Variants in SRBD1 observed in about 807,000 individuals in gnomAD.
The protein encoded by SRBD1 is S1 RNA binding domain 1.
Under a neutral mutation model 115.3 loss-of-function variants are expected in SRBD1, and 88 were observed. The observed-to-expected ratio is 0.76, with a 90% CI of 0.64 to 0.91. The LOEUF (loss-of-function observed/expected upper bound fraction) is 0.91. SRBD1 is among the 40% of genes least tolerant of loss of function. The pLI is 0.00. For missense variants in SRBD1, 1,385 were observed against 1,177.4 expected (o/e 1.18, Z -2.58); for synonymous variants, 509 against 407.7 (o/e 1.25, Z -2.99).
intron 9 of SRBD1, among the ~76,000 whole-genome samples, chr2:45,568,464 T>C (rs556713211): frequency 5.0e-4 from 76 of 152,300 alleles, no homozygotes; most frequent in African/African-American, 1.7e-3. Context: ...TTTTGTAACC[T>C]AGCATATCAT....
At chr2:45,553,369 T>C (rs1230374800) in intron 11 of SRBD1, among the ~76,000 whole-genome samples, 1 of 152,198 alleles carries the variant, frequency 6.6e-6, no homozygotes, top group African/African-American at 2.4e-5. Flanking sequence ...AAGACTAGTA[T>C]TGCAGGATTT....
intron 16 of SRBD1, among the ~76,000 whole-genome samples, chr2:45,437,500 C>G (rs190443241): frequency 5.8e-4 from 88 of 152,192 alleles, no homozygotes; most frequent in African/African-American, 2.1e-3. Context: ...GGTGCTGGAA[C>G]AACTGGACAT....
chr2:45,517,837 A>T (rs1477382743), intron 14 of SRBD1, among the ~76,000 whole-genome samples: 1 of 150,758 alleles, frequency 6.6e-6, no homozygotes, highest in Admixed American at 6.6e-5. Context: ...TGTACCAAAA[A>T]CATTTTTTTT....
chr2:45,577,168 A>G (rs560530448), intron 7 of SRBD1, among the ~76,000 whole-genome samples: 4 of 152,368 alleles, frequency 2.6e-5, no homozygotes, highest in African/African-American at 9.6e-5. Context: ...GATAGAAATT[A>G]TCAGAATCAT....
intron 16 of SRBD1, among the ~76,000 whole-genome samples, chr2:45,467,725 G>A (rs1669532711): frequency 6.6e-6 from 1 of 152,012 alleles, no homozygotes; most frequent in African/African-American, 2.4e-5. Flanking sequence ...TATTATGAAG[G>A]GAAAGGTAAC....
chr2:45,479,039 T>C (rs1010158762), intron 15 of SRBD1, among the ~76,000 whole-genome samples: 1 of 152,178 alleles, frequency 6.6e-6, no homozygotes, highest in African/African-American at 2.4e-5. Context: ...CTGTGACCAA[T>C]GATCTTTGAT....
At chr2:45,414,624 T>C (rs1413515414) in intron 18 of SRBD1, among the ~76,000 whole-genome samples, 1 of 100,188 alleles carries the variant, frequency 1.0e-5, no homozygotes, top group African/African-American at 4.7e-5. Flanking sequence ...TGTACACACA[T>C]AGTGTGTATA....
At chr2:45,461,426 T>C (rs1669313390) in intron 16 of SRBD1, among the ~76,000 whole-genome samples, 1 of 152,180 alleles carries the variant, frequency 6.6e-6, no homozygotes, top group Non-Finnish European at 1.5e-5. Context: ...CAGGTTCACA[T>C]CACCAGATGA....
chr2:45,415,947 G>A (rs976396379), intron 18 of SRBD1, among the ~76,000 whole-genome samples: 1 of 151,990 alleles, frequency 6.6e-6, no homozygotes, highest in Non-Finnish European at 1.5e-5. Context: ...CCAGAGGTCA[G>A]TCCAAAACCA....
At chr2:45,477,439 A>T (rs1292539248) in intron 15 of SRBD1, among the ~76,000 whole-genome samples, 2 of 152,234 alleles carry the variant, frequency 1.3e-5, no homozygotes, top group East Asian at 1.9e-4. Flanking sequence ...GAGGAAGCAA[A>T]ACCTTGTTTT....
chr2:45,525,603 A>C (rs1211686578), intron 14 of SRBD1, among the ~76,000 whole-genome samples: 1 of 152,018 alleles, frequency 6.6e-6, no homozygotes, highest in Non-Finnish European at 1.5e-5. Context: ...TTACTATAAA[A>C]ATATGTGGGG....
At chr2:45,602,549 A>G (rs1156377536) in intron 2 of SRBD1, among the ~76,000 whole-genome samples, 1 of 152,212 alleles carries the variant, frequency 6.6e-6, no homozygotes, top group Non-Finnish European at 1.5e-5. Flanking sequence ...GAAACACACT[A>G]AATTACATTA....
At chr2:45,445,796 T>C (rs1668806712) in intron 16 of SRBD1, among the ~76,000 whole-genome samples, 1 of 152,140 alleles carries the variant, frequency 6.6e-6, no homozygotes, top group African/African-American at 2.4e-5. Flanking sequence ...AGACATTAAA[T>C]TTAAAGGCTC....
At chr2:45,608,540 G>A (rs945609771) in intron 1 of SRBD1, among the ~76,000 whole-genome samples, 1 of 152,096 alleles carries the variant, frequency 6.6e-6, no homozygotes, top group African/African-American at 2.4e-5. Context: ...AAACTTGTTA[G>A]ATTAACCAAA....
chr2:45,413,850 T>C (rs921365178), intron 18 of SRBD1, among the ~76,000 whole-genome samples: 1 of 152,044 alleles, frequency 6.6e-6, no homozygotes, highest in Non-Finnish European at 1.5e-5. Context: ...GAGAATCACT[T>C]AAACCTGGCA....
chr2:45,439,104 T>C (rs151031885), intron 16 of SRBD1, among the ~76,000 whole-genome samples: 5 of 151,960 alleles, frequency 3.3e-5, no homozygotes, highest in African/African-American at 7.2e-5. Context: ...CACACACACA[T>C]ACACACACCA....
rs56909656 is a variant in SRBD1, at chr2:45,545,283, T to TAAAAAAAAAAAA, written c.1874+1437_1874+1448dup. 7.0e-4 allele frequency among the ~76,000 whole-genome samples: 48 copies of TAAAAAAAAAAAA among 68,570 alleles called. 3 individuals are homozygous for TAAAAAAAAAAAA. The highest frequency in any genetic ancestry group is 2.4e-3 in the African/African-American group (35 of 14,776). The allele number at this position is 68,570 out of a possible 152,430, so 45.0% of individuals were successfully genotyped here. ...TGACAGAGCGAGACTCTGTCTCAAT[T>TAAAAAAAAAAAA]AAAAAAAAAAAAAAAAAAAAAAAAA... On this transcript the variant is annotated intron_variant, in intron 14 of 20. Coordinates refer to ENST00000263736, the MANE Select transcript of SRBD1 (RefSeq NM_018079.5).
intron 12 of SRBD1, among the ~76,000 whole-genome samples, chr2:45,549,894 A>T (rs1210895176): frequency 6.6e-6 from 1 of 152,014 alleles, no homozygotes; most frequent in East Asian, 1.9e-4. Context: ...AGAATAACAT[A>T]AGTCAAAATT....
chr2:45,609,842 T>G (rs1276005632), intron 1 of SRBD1, among the ~76,000 whole-genome samples: 2 of 152,238 alleles, frequency 1.3e-5, no homozygotes, highest in Non-Finnish European at 2.9e-5. Flanking sequence ...TTTTACTTGT[T>G]TATTGCTTGC....
Sources: gnomAD v4.1 joint callset for allele counts (sites outside exome capture counted in the v4.1 genomes callset) on GRCh38, gnomAD v4.1.1 for gene constraint, MANE v1.5 for transcripts, NCBI Gene and HGNC (gene_info 2026-07-23, HGNC 2026-07-21) for gene names.